The following CALD1 variants were observed in gnomAD, a reference collection of about 807,000 sequenced individuals.
The protein encoded by CALD1 is caldesmon 1.
A neutral mutation model predicts 99.9 loss-of-function variants in CALD1; 33 were observed. The observed-to-expected ratio is 0.33, with a 90% CI of 0.25 to 0.44. CALD1 has a LOEUF of 0.44. Among genes scored for constraint, CALD1 ranks in the 20% least tolerant of loss-of-function variants. The pLI is 1.00. For synonymous variants in CALD1, 310 were observed against 325.0 expected, an observed-to-expected ratio of 0.95 and a Z score of 0.50; for missense variants, 861 against 962.1, an observed-to-expected ratio of 0.89 and a Z score of 1.39.
chr7:134,747,654 C>T lies in CALD1; in HGVS notation c.-130+3291C>T, dbSNP rs1796646862. On this transcript the variant is annotated intron_variant, in intron 1 of 13. Coordinates refer to the CALD1 transcript ENST00000417172. ...TATATCAGGGGCTCTACTCCCTGCACTCCATGCCTGTGCCCCGTGGCTGCC... is the reference window on the plus strand; with the variant it reads ...TATATCAGGGGCTCTACTCCCTGCATTCCATGCCTGTGCCCCGTGGCTGCC... Among the ~76,000 whole-genome samples the T allele has an allele frequency of 2.0e-5, 3 of 152,358 alleles. No individual in the cohort carries two copies. In the South Asian group the frequency reaches 6.2e-4, roughly 32 times the overall value.
the CALD1 span, among the ~76,000 whole-genome samples, chr7:134,738,402 G>C: frequency 2.6e-5 from 4 of 152,146 alleles, no homozygotes; most frequent in Admixed American, 6.5e-5. Context: ...CATCTCATCA[G>C]AATTAGAGGT....
chr7:134,855,347 T>C (rs1800253781), intron 2 of CALD1, among the ~76,000 whole-genome samples: 1 of 152,202 alleles, frequency 6.6e-6, no homozygotes, highest in South Asian at 2.1e-4. Context: ...ATTTGCTCCA[T>C]TTTTCTTTGG....
chr7:134,937,884 T>A (rs79636804), intron 6 of CALD1, among the ~76,000 whole-genome samples: 5 of 152,230 alleles, frequency 3.3e-5, no homozygotes, highest in Non-Finnish European at 4.4e-5. Flanking sequence ...TTAGCTTTTT[T>A]CTCTCCTCTC....
intron 1 of CALD1, among the ~76,000 whole-genome samples, chr7:134,796,814 T>G (rs781297095): frequency 1.5e-4 from 23 of 152,192 alleles, no homozygotes; most frequent in Non-Finnish European, 2.6e-4. Flanking sequence ...CTTGAACTCC[T>G]GGCCCCAAGT....
intron 2 of CALD1, among the ~76,000 whole-genome samples, chr7:134,866,290 T>C (rs1223898473): frequency 2.0e-5 from 3 of 152,220 alleles, no homozygotes; most frequent in Non-Finnish European, 4.4e-5. Context: ...AAATGGGTTG[T>C]TTCCTTCATA....
At position 134,933,929 on chromosome 7, in the gene CALD1, A is replaced by G; in HGVS notation, c.1160A>G (p.Lys387Arg). The G allele has an allele frequency of 1.2e-6, 2 of 1,614,068 alleles. No homozygotes were observed. Among genetic ancestry groups the G allele is most frequent in the Non-Finnish European group, 1.7e-6 (2 of 1,179,952 alleles). ...EEEKAKVEEQ[K>R]RNKQLEEKKH... The stretch of plus-strand genomic sequence containing the variant: ...GAGAAGGCTAAGGTAGAAGAGCAGA[A>G]ACGTAACAAGCAGCTAGAAGAGAAA... Residue 387 changes from lysine to arginine, a missense_variant, in exon 5 of 15, where the codon AAA (lysine) becomes AGA (arginine). Physicochemically the swap from Lys to Arg is conservative, Grantham distance 26 (BLOSUM62 2). Coordinates refer to ENST00000361675, the MANE Select transcript of CALD1 (RefSeq NM_033138.4).
At chr7:134,911,198 C>CTTTTTTTT (rs964515625) in intron 3 of CALD1, among the ~76,000 whole-genome samples, 6 of 118,118 alleles carry the variant, frequency 5.1e-5, no homozygotes, top group Admixed American at 8.7e-5. Context: ...TTTCCTTTTT[C>CTTTTTTTT]TTTTTTTTTT....
intron 1 of CALD1, among the ~76,000 whole-genome samples, chr7:134,828,787 C>G (rs1187469864): frequency 6.6e-6 from 1 of 152,172 alleles, no homozygotes; most frequent in African/African-American, 2.4e-5. Flanking sequence ...GAGAAAATAG[C>G]TTTTAGGTCT....
rs778486720 is a variant in CALD1 at position 134,783,259 on chromosome 7, A to C, written c.-130+3510A>C. 4.6e-5 allele frequency among the ~76,000 whole-genome samples: 7 copies of C among 151,910 alleles called. No individual in the cohort carries two copies. The highest frequency in any genetic ancestry group is 1.3e-4 in the Admixed American group (2 of 15,252). ...TCTTTAGTGCTCCCAGCTGTAACCGACCCTAGTTGCATCCCTAACTTCCTT... is the reference window on the plus strand; with the variant it reads ...TCTTTAGTGCTCCCAGCTGTAACCGCCCCTAGTTGCATCCCTAACTTCCTT... On this transcript the variant is annotated intron_variant, in intron 1 of 14. Transcript: ENST00000361675. The surrounding 1 kb of genome is among the most constrained non-coding windows in gnomAD (Gnocchi z 4.3).
intron 1 of CALD1, among the ~76,000 whole-genome samples, chr7:134,828,352 G>A (rs1237376741): frequency 6.6e-6 from 1 of 152,142 alleles, no homozygotes; most frequent in East Asian, 1.9e-4. Flanking sequence ...AAAAGAATTC[G>A]GAATCGCAGC....
intron 9 of CALD1, among the ~76,000 whole-genome samples, chr7:134,955,826 G>A (rs986031169): frequency 2.6e-5 from 4 of 152,160 alleles, no homozygotes; most frequent in Non-Finnish European, 5.9e-5. Flanking sequence ...TTATATAGAA[G>A]GTACTGAGTA....
chr7:134,921,004 G>A (rs924969316), intron 3 of CALD1, among the ~76,000 whole-genome samples: 1 of 152,190 alleles, frequency 6.6e-6, no homozygotes, highest in African/African-American at 2.4e-5. Context: ...ATTTGTGTGT[G>A]TGCTTATCAA....
At chr7:134,768,104 GGA>G (rs1353955340) in intron 1 of CALD1, among the ~76,000 whole-genome samples, 1 of 152,144 alleles carries the variant, frequency 6.6e-6, no homozygotes, top group Non-Finnish European at 1.5e-5. Context: ...CTATAGCTCA[GGA>G]AATAAGGAGA....
chr7:134,813,583 G>A (rs1586007513), intron 1 of CALD1, among the ~76,000 whole-genome samples: 1 of 152,288 alleles, frequency 6.6e-6, no homozygotes, highest in East Asian at 1.9e-4. Flanking sequence ...TATGATGGTA[G>A]AAGCCTGTGA....
chr7:134,925,252 G>A (rs948326861), intron 3 of CALD1, among the ~76,000 whole-genome samples: 1 of 152,084 alleles, frequency 6.6e-6, no homozygotes, highest in African/African-American at 2.4e-5. Context: ...GAGGTTACAT[G>A]TGATGTGGCC....
chr7:134,711,708 GTGTGTGTGTGTGTGTGTGTC>G, the CALD1 span, among the ~76,000 whole-genome samples: 3 of 136,510 alleles, frequency 2.2e-5, no homozygotes, highest in African/African-American at 8.4e-5. Context: ...GTGTGTGTGT[GTGTGTGTGTGTGTGTGTGTC>G]TCTCTCTCTG....
chr7:134,865,679 C>T (rs533561256), intron 2 of CALD1, among the ~76,000 whole-genome samples: 6 of 152,302 alleles, frequency 3.9e-5, no homozygotes, highest in Non-Finnish European at 7.3e-5. Context: ...ACTGACCTCA[C>T]GATGTTAGTT....
chr7:134,846,266 G>A (rs1446436983), intron 2 of CALD1, among the ~76,000 whole-genome samples: 1 of 151,910 alleles, frequency 6.6e-6, no homozygotes, highest in African/African-American at 2.4e-5. Context: ...AGATAGGGGT[G>A]GAGGGCTGTG....
At chr7:134,795,861 G>A (rs1382869348) in intron 1 of CALD1, among the ~76,000 whole-genome samples, 1 of 152,206 alleles carries the variant, frequency 6.6e-6, no homozygotes, top group Non-Finnish European at 1.5e-5. Flanking sequence ...TCTATCCAGA[G>A]AGCTCCCTAC....
Sources: allele counts gnomAD v4.1 joint callset (sites outside exome capture counted in the v4.1 genomes callset), GRCh38; gene constraint gnomAD v4.1.1; non-coding constraint Gnocchi (gnomAD v3.1); transcripts MANE v1.5; gene names NCBI Gene and HGNC (gene_info 2026-07-23, HGNC 2026-07-21).